DCLRE1C: variants seen among roughly 807,000 people sequenced by gnomAD.
The protein encoded by DCLRE1C is protein artemis.
In DCLRE1C, 47 loss-of-function variants were observed where a neutral mutation model predicts 61.4. The ratio of observed to expected loss-of-function variants is 0.77; its 90% CI spans 0.61 to 0.98. The LOEUF (loss-of-function observed/expected upper bound fraction) is 0.98, where lower values mean the gene tolerates loss of function less well. Ranked by LOEUF, DCLRE1C falls within the 50% of genes least tolerant of loss-of-function variation. The pLI, the probability that DCLRE1C is intolerant of heterozygous loss-of-function variation, is 0.00. For missense variants in DCLRE1C, 858 were observed against 816.0 expected (o/e 1.05, Z -0.63); for synonymous variants, 337 against 287.6 (o/e 1.17, Z -1.74).
chr10:14,904,484 G>A (rs1272299926), downstream of DCLRE1C, among the ~76,000 whole-genome samples: 2 of 152,084 alleles, frequency 1.3e-5, no homozygotes, highest in East Asian at 3.9e-4. Flanking sequence ...ATTCTCACGG[G>A]TTTAAAGATG....
intron 13 of DCLRE1C, among the ~76,000 whole-genome samples, chr10:14,910,255 T>G (rs1835029683): frequency 6.6e-6 from 1 of 152,220 alleles, no homozygotes; most frequent in African/African-American, 2.4e-5. Flanking sequence ...GGTTCAGTGT[T>G]ATGACTTGTA....
chr10:14,938,796 A>T (rs747314708), intron 4 of DCLRE1C, among the ~76,000 whole-genome samples: 1 of 152,210 alleles, frequency 6.6e-6, no homozygotes, highest in African/African-American at 2.4e-5. Context: ...AGCATTATAA[A>T]ACTCAGTAAA....
In DCLRE1C at chr10:14,923,048, G is replaced by C. The variant is rs1837374235; in HGVS notation, c.994C>G (p.Leu332Val). 3.1e-6 allele frequency: 5 copies of C among 1,613,934 alleles called. No individual in the cohort carries two copies. In the East Asian group the frequency reaches 8.9e-5, roughly 29 times the overall value. Residue 332 changes from leucine (L) to valine (V), a missense_variant, in exon 12 of 14, where the codon CTC becomes GTC. Physicochemically the swap from Leu to Val is conservative, Grantham distance 32. Transcript: ENST00000378278. ...TTTGGATATGCGTTCACAGGACAGA[G>C]GTAGCTCAAGAAATCTTTAATCTAG... is the stretch of plus-strand genomic sequence containing the variant. ...YSEIKDFLSYLCPVNAYPNVI... is the reference protein window; with the variant it reads ...YSEIKDFLSYVCPVNAYPNVI...
chr10:14,934,263 G>A, intron 8 of DCLRE1C, 117 bp downstream of exon 8: 3 of 1,429,918 alleles, frequency 2.1e-6, no homozygotes, highest in Admixed American at 2.2e-5. Flanking sequence ...GGGAGGTGGA[G>A]GCTGCAGTGA....
At chr10:14,922,755 G>A (rs1217418698) in intron 12 of DCLRE1C, among the ~76,000 whole-genome samples, 3 of 152,166 alleles carry the variant, frequency 2.0e-5, no homozygotes, top group Non-Finnish European at 2.9e-5. Context: ...AGTAAGTGGC[G>A]GAGCTGGGTT....
intron 9 of DCLRE1C, among the ~76,000 whole-genome samples, chr10:14,931,008 T>C (rs1428023600): frequency 6.6e-6 from 1 of 152,194 alleles, no homozygotes; most frequent in Non-Finnish European, 1.5e-5. Context: ...AACTAGGCTT[T>C]TGGCTAATGG....
At chr10:14,910,417 CA>C (rs1300864223) in intron 13 of DCLRE1C, among the ~76,000 whole-genome samples, 4 of 152,152 alleles carry the variant, frequency 2.6e-5, no homozygotes, top group African/African-American at 7.2e-5. Context: ...TTTATACAGT[CA>C]CAGTTCAGCC....
At chr10:14,954,122 C>A, upstream of DCLRE1C, 1 of 1,557,758 alleles carries the variant, frequency 6.4e-7, no homozygotes, top group South Asian at 1.1e-5. Flanking sequence ...ATTGGGCGGC[C>A]GAACGCAGCC....
chr10:14,904,315 ATTTTTTTTTTTTTT>A (rs35999949), downstream of DCLRE1C: 1 of 77,762 alleles, frequency 1.3e-5, no homozygotes, highest in Non-Finnish European at 2.3e-5. Context: ...AAAAAAAAAA[ATTTTTTTTTTTTTT>A]TTTTTTTTTT....
rs759864742 is a variant in DCLRE1C, at chr10:14,906,684, T to G, written c.*1724A>C. On this transcript the variant is annotated 3_prime_UTR_variant, in exon 14 of 14. Transcript: ENST00000378278. ...TGATAATGCATATCAAGTGTTAGTT[T>G]AACTGATCTGCAAATTGTTTTAAGT... Among the ~76,000 whole-genome samples, 2 of 152,228 alleles carry G rather than the reference T, an allele frequency of 1.3e-5. No individual in the cohort carries two copies. The highest frequency in any genetic ancestry group is 2.9e-5 in the Non-Finnish European group (2 of 68,040).
chr10:14,935,712 C>G, intron 5 of DCLRE1C, 148 bp from the exon 6 acceptor site: 7 of 823,954 alleles, frequency 8.5e-6, no homozygotes. Context: ...TTGAACCACA[C>G]CAGGCACTCA....
chr10:14,910,772 T>G (rs1398052770), intron 13 of DCLRE1C, among the ~76,000 whole-genome samples: 1 of 130,878 alleles, frequency 7.6e-6, no homozygotes, highest in Non-Finnish European at 1.5e-5. Flanking sequence ...CCAGGTAAGA[T>G]GGAGTAACGG....
At chr10:14,922,441 A>T in intron 12 of DCLRE1C, among the ~76,000 whole-genome samples, 1 of 144,170 alleles carries the variant, frequency 6.9e-6, no homozygotes, top group African/African-American at 2.5e-5. Flanking sequence ...ACCCTGTCTA[A>T]AAAAAAAAAA....
chr10:14,949,464 A>T (rs1842142623), intron 1 of DCLRE1C, among the ~76,000 whole-genome samples: 1 of 152,212 alleles, frequency 6.6e-6, no homozygotes, highest in Non-Finnish European at 1.5e-5. Flanking sequence ...TCTGCCACTT[A>T]AATCAGTCTA....
intron 1 of DCLRE1C, among the ~76,000 whole-genome samples, chr10:14,951,375 GC>G (rs1178043383): frequency 9.8e-6 from 1 of 101,598 alleles, no homozygotes; most frequent in Non-Finnish European, 1.8e-5. Flanking sequence ...GGGTGACAGA[GC>G]AAAACCCTGT....
chr10:14,950,499 C>G (rs929081504), intron 1 of DCLRE1C, among the ~76,000 whole-genome samples: 1 of 152,100 alleles, frequency 6.6e-6, no homozygotes, highest in Admixed American at 6.6e-5. Flanking sequence ...CCAGTGAAAG[C>G]AGAGCAGTCA....
At chr10:14,910,552 C>G (rs907171692) in intron 13 of DCLRE1C, among the ~76,000 whole-genome samples, 7 of 152,266 alleles carry the variant, frequency 4.6e-5, no homozygotes, top group Middle Eastern at 3.4e-3. Flanking sequence ...CCTCGGCCTC[C>G]CAAATTGCTG....
chr10:14,938,618 G>C (rs1840367157), intron 4 of DCLRE1C, among the ~76,000 whole-genome samples: 1 of 152,070 alleles, frequency 6.6e-6, no homozygotes, highest in Non-Finnish European at 1.5e-5. Context: ...TATGTCTATA[G>C]TCCTACTTAT....
At chr10:14,932,127 G>A (rs1288702726) in intron 9 of DCLRE1C, among the ~76,000 whole-genome samples, 1 of 152,184 alleles carries the variant, frequency 6.6e-6, no homozygotes, top group Non-Finnish European at 1.5e-5. Context: ...AGGAGGCTGA[G>A]GCAGGACAAT....
Sources: allele counts gnomAD v4.1 joint callset (sites outside exome capture counted in the v4.1 genomes callset), GRCh38; gene constraint gnomAD v4.1.1; transcripts MANE v1.5; gene names NCBI Gene and HGNC (gene_info 2026-07-23, HGNC 2026-07-21).